Variants in ARF4 observed in about 807,000 individuals in gnomAD.
The protein encoded by ARF4 is ADP-ribosylation factor 4.
ARF4 carries 5 observed loss-of-function variants against 24.3 expected under a neutral mutation model. The observed-to-expected ratio is 0.21, with a 90% CI of 0.11 to 0.43. The LOEUF is 0.43. ARF4 is among the 20% of genes least tolerant of loss of function. ARF4 has a pLI of 1.00. For missense variants in ARF4, 107 were observed against 213.0 expected, an observed-to-expected ratio of 0.50 and a Z score of 3.10; for synonymous variants, 62 against 73.5, an observed-to-expected ratio of 0.84 and a Z score of 0.80.
intron 4 of ARF4, among the ~76,000 whole-genome samples, chr3:57,576,366 A>C (rs574372970): frequency 1.3e-5 from 2 of 152,318 alleles, no homozygotes; most frequent in African/African-American, 4.8e-5. Flanking sequence ...CTAATGGTCC[A>C]AGATTTCTTT....
chr3:57,583,353 C>G (rs2069999187), intron 3 of ARF4, among the ~76,000 whole-genome samples: 1 of 152,026 alleles, frequency 6.6e-6, no homozygotes, highest in Non-Finnish European at 1.5e-5. Context: ...TTCAAAGGTC[C>G]CCATGTGATT....
At chr3:57,585,666 T>TTA (rs2070027787) in intron 1 of ARF4, among the ~76,000 whole-genome samples, 1 of 58 alleles carries the variant, frequency 0.017, no homozygotes, top group South Asian at 0.25. Flanking sequence ...ATCTAAATTC[T>TTA]TTTTTTTTTT....
intron 3 of ARF4, among the ~76,000 whole-genome samples, chr3:57,580,454 T>G (rs2069956586): frequency 6.6e-6 from 1 of 152,110 alleles, no homozygotes; most frequent in African/African-American, 2.4e-5. Context: ...CAGGCTGGAG[T>G]ACAGAGGCGC....
At chr3:57,596,722 C>T in intron 1 of ARF4, 1 of 270,924 alleles carries the variant, frequency 3.7e-6, no homozygotes. Context: ...AGAAGGTATG[C>T]AGATCGCACC....
intron 3 of ARF4, 82 bp downstream of exon 3, chr3:57,583,816 C>G (rs953923584): frequency 1.1e-6 from 1 of 944,312 alleles, no homozygotes; most frequent in African/African-American, 1.7e-5. Context: ...CACCAATATC[C>G]AAGTAAATAC....
intron 3 of ARF4, among the ~76,000 whole-genome samples, chr3:57,580,592 G>T (rs1045988056): frequency 1.3e-5 from 2 of 150,744 alleles, no homozygotes; most frequent in East Asian, 4.0e-4. Context: ...TTTTTTTGTA[G>T]AGACAGGGTT....
Position 57,597,306 on chromosome 3 carries a change from G to C in ARF4, c.-166C>G. On this transcript the variant is annotated 5_prime_UTR_variant, in exon 1 of 6. Coordinates refer to ENST00000303436, the MANE Select transcript of ARF4 (RefSeq NM_001660.4). ...GTGGCCCCTGTGCCGATGAAGATCC[G>C]GCACAGGAATAAGCCGGTAGAGGAC... The C allele has an allele frequency of 4.7e-6, 3 of 635,806 alleles. No homozygotes were observed. Among genetic ancestry groups the C allele is most frequent in the Non-Finnish European group, 8.2e-6 (3 of 366,030 alleles). The allele number at this position is 635,806 out of a possible 1,614,324, so 39.4% of individuals were successfully genotyped here. A position where few individuals can be genotyped will look rare whatever the true frequency, so the allele number is the denominator to read the frequency against.
chr3:57,574,926 G>A lies in ARF4; in HGVS notation c.456+622C>T, dbSNP rs1019714536. On this transcript the variant is annotated intron_variant, in intron 5 of 5. Coordinates refer to ENST00000303436, the MANE Select transcript of ARF4 (RefSeq NM_001660.4). Reference sequence around the variant, plus strand: ...TGCAGTGGCGCGATCGCGACTCACCGCAACCTCCACCTCCTGGGTTCAAGT... The same window carrying A: ...TGCAGTGGCGCGATCGCGACTCACCACAACCTCCACCTCCTGGGTTCAAGT... Among the ~76,000 whole-genome samples the A allele has an allele frequency of 7.9e-5, 12 of 151,992 alleles. No homozygotes were observed. In the East Asian group the frequency reaches 1.4e-3, roughly 17 times the overall value.
At position 57,583,775 on chromosome 3, in the gene ARF4, G is replaced by A; in HGVS notation, c.258+123C>T. The A allele has an allele frequency of 4.3e-6, 3 of 701,416 alleles. No homozygotes were observed. In the South Asian group the frequency reaches 5.2e-5, roughly 12 times the overall value. The allele number at this position is 701,416 out of a possible 1,614,324, so 43.4% of individuals were successfully genotyped here. On this transcript the variant is annotated intron_variant, in intron 3 of 5. Transcript: ENST00000303436. ...AGAGTCCACTGAAGAATGTGGAAGT[G>A]GTGATAAGACAAATGCCAACTCATA...
At chr3:57,582,263 G>A (rs1002985199) in intron 3 of ARF4, among the ~76,000 whole-genome samples, 1 of 149,162 alleles carries the variant, frequency 6.7e-6, no homozygotes, top group African/African-American at 2.5e-5. Flanking sequence ...TTTTTTTTGA[G>A]ACAGAGTCTC....
At chr3:57,572,967 C>T (rs1180674136) in intron 5 of ARF4, among the ~76,000 whole-genome samples, 1 of 152,084 alleles carries the variant, frequency 6.6e-6, no homozygotes, top group Non-Finnish European at 1.5e-5. Context: ...CTTTGGGAGG[C>T]TGAGGCGGAT....
intron 3 of ARF4, among the ~76,000 whole-genome samples, chr3:57,582,285 C>T (rs2069983436): frequency 1.3e-5 from 2 of 152,040 alleles, no homozygotes; most frequent in African/African-American, 4.8e-5. Flanking sequence ...CTTTGTCACC[C>T]ATGCTGGAGT....
chr3:57,592,532 G>A (rs563470913), intron 1 of ARF4, among the ~76,000 whole-genome samples: 2 of 152,232 alleles, frequency 1.3e-5, no homozygotes, highest in East Asian at 1.9e-4. Flanking sequence ...CAACCAAACT[G>A]AAACTCAGGC....
At chr3:57,576,972 T>C (rs2069912972) in intron 4 of ARF4, among the ~76,000 whole-genome samples, 1 of 152,092 alleles carries the variant, frequency 6.6e-6, no homozygotes, top group Non-Finnish European at 1.5e-5. Flanking sequence ...CACTATAGAT[T>C]TGATATCTGT....
Position 57,583,728 on chromosome 3 carries a change from G to A in ARF4, c.258+170C>T, listed in dbSNP as rs77771120. 8.6e-4 allele frequency among the ~76,000 whole-genome samples: 131 copies of A among 152,174 alleles called. 5 individuals are homozygous for A. In the East Asian group the frequency reaches 0.023, roughly 27 times the overall value. The stretch of plus-strand genomic sequence containing the variant: ...TTTACAACTCTTCCACCCTATATAA[G>A]TTAGCCTTCAAGGCCTAAGTGAGAG... On this transcript the variant is annotated intron_variant, in intron 3 of 5. Transcript: ENST00000303436.
chr3:57,596,813 T>C (rs2070193733), intron 1 of ARF4: 6 of 457,858 alleles, frequency 1.3e-5, no homozygotes, highest in South Asian at 9.4e-5. Context: ...CAGCTTTCAA[T>C]AAGATCAAGG....
chr3:57,577,967 A>C (rs143954852), intron 3 of ARF4, among the ~76,000 whole-genome samples: 295 of 152,126 alleles, frequency 1.9e-3, no homozygotes, highest in African/African-American at 6.8e-3. Context: ...GGTGGGAGGA[A>C]TCACGAGCCC....
At chr3:57,573,708 A>G (rs115017301) in intron 5 of ARF4, among the ~76,000 whole-genome samples, 1,549 of 151,010 alleles carry the variant, frequency 0.01, 30 homozygotes, top group African/African-American at 0.035. Context: ...CAGCCTCCCA[A>G]GTAGCTGGGG....
chr3:57,592,699 TG>T (rs1336479174), intron 1 of ARF4, among the ~76,000 whole-genome samples: 2 of 152,224 alleles, frequency 1.3e-5, no homozygotes, highest in African/African-American at 4.8e-5. Flanking sequence ...TAAGGATGGC[TG>T]TACCTATCAG....
Sources: allele counts gnomAD v4.1 joint callset (sites outside exome capture counted in the v4.1 genomes callset), GRCh38; gene constraint gnomAD v4.1.1; transcripts MANE v1.5; gene names NCBI Gene and HGNC (gene_info 2026-07-23, HGNC 2026-07-21).